Variants in MDGA2 observed in about 807,000 individuals in gnomAD.
MDGA2 encodes the protein MAM domain containing glycosylphosphatidylinositol anchor 2.
Under a neutral mutation model 117.8 loss-of-function variants are expected in MDGA2, and 40 were observed. That is an observed-to-expected ratio of 0.34 (90% CI 0.26 to 0.44). The LOEUF is 0.44. Among genes scored for constraint, MDGA2 ranks in the 20% least tolerant of loss-of-function variants. MDGA2 has a pLI of 1.00. For missense variants in MDGA2, 1,123 were observed against 1,250.6 expected (o/e 0.90, Z 1.54); for synonymous variants, 452 against 439.0 (o/e 1.03, Z -0.37).
intron 2 of MDGA2, among the ~76,000 whole-genome samples, chr14:47,239,742 G>A (rs1423699330): frequency 6.6e-6 from 1 of 151,766 alleles, no homozygotes; most frequent in Non-Finnish European, 1.5e-5. Context: ...TAAATTATCT[G>A]CCTGAAAAGA....
chr14:47,449,812 T>C (rs767783687), intron 1 of MDGA2, among the ~76,000 whole-genome samples: 3 of 152,152 alleles, frequency 2.0e-5, no homozygotes, highest in Non-Finnish European at 4.4e-5. Context: ...GAATGTGCTT[T>C]CTTATGCAAA....
intron 1 of MDGA2, among the ~76,000 whole-genome samples, chr14:47,549,585 AT>A (rs1895540528): frequency 6.6e-6 from 1 of 152,162 alleles, no homozygotes; most frequent in Non-Finnish European, 1.5e-5. Context: ...TATGAACAAA[AT>A]TAAGTTCCTT....
chr14:46,941,425 C>T (rs1293609903), intron 9 of MDGA2, among the ~76,000 whole-genome samples: 4 of 152,176 alleles, frequency 2.6e-5, no homozygotes, highest in Non-Finnish European at 5.9e-5. Context: ...AGGCTGTGGG[C>T]TATCATCTGT....
intron 2 of MDGA2, among the ~76,000 whole-genome samples, chr14:47,259,851 T>G (rs960035596): frequency 1.3e-5 from 2 of 151,912 alleles, no homozygotes; most frequent in African/African-American, 2.4e-5. Flanking sequence ...AGAGGGCTAG[T>G]TGAAGAAATA....
At chr14:47,034,764 ACACACT>A (rs148090044) in intron 8 of MDGA2, among the ~76,000 whole-genome samples, 48 of 132,688 alleles carry the variant, frequency 3.6e-4, no homozygotes, top group African/African-American at 1.1e-3. Context: ...ACACACACAC[ACACACT>A]AAAACAACTC....
intron 1 of MDGA2, among the ~76,000 whole-genome samples, chr14:47,323,453 C>T (rs1890050261): frequency 6.6e-6 from 1 of 151,606 alleles, no homozygotes; most frequent in South Asian, 2.1e-4. Context: ...TGGAGAAATC[C>T]TGTCTCTACT....
chr14:46,898,783 A>G (rs925567133), intron 10 of MDGA2, among the ~76,000 whole-genome samples: 52 of 152,250 alleles, frequency 3.4e-4, no homozygotes, highest in African/African-American at 1.2e-3. Flanking sequence ...AAAATGAAAT[A>G]TTTCATTAAG....
At chr14:47,448,331 G>A (rs768682980) in intron 1 of MDGA2, among the ~76,000 whole-genome samples, 1 of 151,846 alleles carries the variant, frequency 6.6e-6, no homozygotes, top group Non-Finnish European at 1.5e-5. Flanking sequence ...TAGAGACAGG[G>A]TTTTCATCAT....
In MDGA2 at chr14:46,855,003, A is replaced by G; in HGVS notation, c.2883+21T>C. Reference sequence around the variant, plus strand: ...TTATGCTCATTTACAGCAATTAATTAGCCAAAACTACTTTTCTTACCTGAA... The same window carrying G: ...TTATGCTCATTTACAGCAATTAATTGGCCAAAACTACTTTTCTTACCTGAA... On this transcript the variant is annotated intron_variant, in intron 15 of 16. Coordinates refer to ENST00000399232, the MANE Select transcript of MDGA2 (RefSeq NM_001113498.3). The surrounding 1 kb of genome is among the most constrained non-coding windows in gnomAD (Gnocchi z 4.1). 6.4e-7 allele frequency: 1 copy of G among 1,573,956 alleles called. No individual in the cohort carries two copies. Among genetic ancestry groups the G allele is most frequent in the Non-Finnish European group, 8.6e-7 (1 of 1,162,122 alleles).
chr14:47,298,315 A>G (rs1889147221), intron 2 of MDGA2, among the ~76,000 whole-genome samples: 1 of 152,118 alleles, frequency 6.6e-6, no homozygotes, highest in African/African-American at 2.4e-5. Flanking sequence ...TCAGGCCACT[A>G]CCCATCACTA....
intron 3 of MDGA2, among the ~76,000 whole-genome samples, chr14:47,180,812 T>C (rs1884671293): frequency 6.6e-6 from 1 of 151,918 alleles, no homozygotes; most frequent in Admixed American, 6.6e-5. Flanking sequence ...TCCCAGCAAC[T>C]AGGGAGGATG....
intron 6 of MDGA2, among the ~76,000 whole-genome samples, chr14:47,085,823 T>C (rs980864315): frequency 4.6e-5 from 7 of 152,100 alleles, no homozygotes; most frequent in Admixed American, 6.6e-5. Flanking sequence ...ATATTTATTA[T>C]AAAAAGTAAA....
At chr14:47,672,629 A>G (rs1898095707) in intron 1 of MDGA2, among the ~76,000 whole-genome samples, 1 of 152,178 alleles carries the variant, frequency 6.6e-6, no homozygotes, top group South Asian at 2.1e-4. Context: ...TCACACATGC[A>G]TACATACAAA....
intron 1 of MDGA2, among the ~76,000 whole-genome samples, chr14:47,471,641 T>C (rs981489615): frequency 3.3e-5 from 5 of 152,238 alleles, no homozygotes; most frequent in African/African-American, 1.2e-4. Context: ...TGATAATAGA[T>C]GTTGTTATTT....
rs1417596525 is a variant in MDGA2, at chr14:47,674,852, C to G, written c.-56G>C. 2 of 582,570 alleles carry G rather than the reference C, an allele frequency of 3.4e-6. No individual in the cohort carries two copies. Among genetic ancestry groups the G allele is most frequent in the East Asian group, 6.4e-5 (2 of 31,206 alleles). 36.1% of individuals were successfully genotyped at this position (582,570 alleles called of 1,614,324 possible). ...TCTCCCACAACACAATACCCTGACA[C>G]ACACTCACACGCACGCCGCACTCAC... On this transcript the variant is annotated 5_prime_UTR_variant, in exon 1 of 17. Transcript: ENST00000399232.
At chr14:47,147,409 CA>C (rs1882984918) in intron 3 of MDGA2, among the ~76,000 whole-genome samples, 1 of 152,132 alleles carries the variant, frequency 6.6e-6, no homozygotes, top group Non-Finnish European at 1.5e-5. Context: ...GGTTGAACTA[CA>C]AAAGGTCTCA....
chr14:47,601,858 T>C lies in MDGA2; in HGVS notation c.280+72659A>G, dbSNP rs181686435. Among the ~76,000 whole-genome samples, 291 of 152,266 alleles carry C rather than the reference T, an allele frequency of 1.9e-3. 1 individual carries two copies. The highest frequency in any genetic ancestry group is 6.6e-3 in the African/African-American group (275 of 41,560). ...GCTAAAAGACATTCTTTAATGAAAG[T>C]TGAACTTGATTTAACTACAAGGAAA... On this transcript the variant is annotated intron_variant, in intron 1 of 16. Coordinates refer to ENST00000399232, the MANE Select transcript of MDGA2 (RefSeq NM_001113498.3).
At chr14:47,108,927 T>C (rs1880888177) in intron 5 of MDGA2, among the ~76,000 whole-genome samples, 1 of 152,208 alleles carries the variant, frequency 6.6e-6, no homozygotes. Flanking sequence ...GAAAGGTCTT[T>C]ATAAACATTG....
intron 1 of MDGA2, among the ~76,000 whole-genome samples, chr14:47,448,714 A>G (rs1893178855): frequency 6.6e-6 from 1 of 152,132 alleles, no homozygotes. Flanking sequence ...TGAGTTCCTT[A>G]TGCTGCAAAT....
Sources: gnomAD v4.1 joint callset for allele counts (sites outside exome capture counted in the v4.1 genomes callset) on GRCh38, gnomAD v4.1.1 for gene constraint, Gnocchi (gnomAD v3.1) non-coding constraint, MANE v1.5 for transcripts, NCBI Gene and HGNC (gene_info 2026-07-23, HGNC 2026-07-21) for gene names.